Variants in SPO11 observed in about 807,000 individuals in gnomAD.
SPO11 encodes meiotic recombination protein SPO11.
A neutral mutation model predicts 51.6 loss-of-function variants in SPO11; 49 were observed. That is an observed-to-expected ratio of 0.95 (90% CI 0.75 to 1.20). The LOEUF (loss-of-function observed/expected upper bound fraction) is 1.20. Among genes scored for constraint, SPO11 ranks in the 50% most tolerant of loss-of-function variants. The probability of loss-of-function intolerance (pLI) is 0.00; values close to 1 mark genes in which losing one functional copy is unlikely to be tolerated. For missense variants in SPO11, 431 were observed against 473.4 expected (o/e 0.91, Z 0.83); for synonymous variants, 176 against 158.2 (o/e 1.11, Z -0.84).
In SPO11 at chr20:57,340,120, C is replaced by G; in HGVS notation, c.901C>G (p.His301Asp). The G allele has an allele frequency of 6.2e-7, 1 of 1,611,870 alleles. No homozygotes were observed. Among genetic ancestry groups the G allele is most frequent in the Non-Finnish European group, 8.5e-7 (1 of 1,178,068 alleles). ...ATTTTAGTCTATGTCTTTTGAAGCT[C>G]ATCATCTCACAGTTCCAGCTATTAG... ...YGSMSMSFEA[H>D]HLTVPAIRWL... is the part of the protein sequence containing the mutation. Residue 301 changes from histidine (H) to aspartate (D), a missense_variant, in exon 11 of 13, where the codon CAT becomes GAT. Physicochemically the swap from His to Asp is moderately conservative, Grantham distance 81. Transcript: ENST00000371263.
At chr20:57,337,882 A>G (rs1305289092) in intron 8 of SPO11, 2 of 557,242 alleles carry the variant, frequency 3.6e-6, no homozygotes, top group African/African-American at 4.0e-5. Context: ...ATAATTTATT[A>G]TTACTATTAT....
Position 57,338,299 on chromosome 20 carries a change from C to T in SPO11, c.768C>T (p.Asn256=). The T allele has an allele frequency of 6.2e-7, 1 of 1,613,324 alleles. No individual in the cohort carries two copies. Among genetic ancestry groups the T allele is most frequent in the South Asian group, 1.1e-5 (1 of 91,002 alleles). ...AGGGAAAGGGAGTTCCTGATCTAAA[C>T]ACAAGACTTTTAGTCAAGAAACTGT... ...MITGKGVPDL[N]TRLLVKKLWD... Residue 256 remains asparagine (N), a synonymous_variant, in exon 9 of 13, where the codon AAC becomes AAT. Transcript: ENST00000371263.
At chr20:57,330,588 G>A (rs935847319) in intron 1 of SPO11, among the ~76,000 whole-genome samples, 2 of 152,116 alleles carry the variant, frequency 1.3e-5, no homozygotes, top group Non-Finnish European at 2.9e-5. Flanking sequence ...GAACCCTCCA[G>A]CTATCCATGT....
At chr20:57,333,384 A>G (rs949432946) in intron 3 of SPO11, 108 bp downstream of exon 3, 11 of 713,920 alleles carry the variant, frequency 1.5e-5, no homozygotes. Context: ...TTAATAGATC[A>G]CTTTCATACA....
At chr20:57,339,934 C>T (rs1233034995) in intron 10 of SPO11, among the ~76,000 whole-genome samples, 168 bp from the exon 11 acceptor site, 1 of 152,190 alleles carries the variant, frequency 6.6e-6, no homozygotes, top group East Asian at 1.9e-4. Flanking sequence ...CACTAAAAGC[C>T]CAGCTTAGCA....
rs1296139885 is a variant in SPO11 at position 57,343,639 on chromosome 20, C to T, written c.*179C>T. ...AAATGCTGTACTCCAATTTTCTTTGCAAGGCCTTATTCTTGCCTCTATAGA... is the reference window on the plus strand; with the variant it reads ...AAATGCTGTACTCCAATTTTCTTTGTAAGGCCTTATTCTTGCCTCTATAGA... On this transcript the variant is annotated 3_prime_UTR_variant, in exon 13 of 13. Transcript: ENST00000371263. 3.3e-6 allele frequency: 2 copies of T among 605,692 alleles called. No individual in the cohort carries two copies. The highest frequency in any genetic ancestry group is 5.1e-6 in the Non-Finnish European group (2 of 390,674). 37.5% of individuals were successfully genotyped at this position (605,692 alleles called of 1,614,324 possible). A position where few individuals can be genotyped will look rare whatever the true frequency, so the allele number is the denominator to read the frequency against.
At chr20:57,331,266 G>A (rs2066446109) in intron 1 of SPO11, among the ~76,000 whole-genome samples, 1 of 152,196 alleles carries the variant, frequency 6.6e-6, no homozygotes, top group African/African-American at 2.4e-5. Flanking sequence ...TCTTTCCAGG[G>A]TAGTGATTAA....
intron 1 of SPO11, among the ~76,000 whole-genome samples, chr20:57,331,189 C>T (rs1247598058): frequency 6.6e-6 from 1 of 152,178 alleles, no homozygotes; most frequent in Non-Finnish European, 1.5e-5. Flanking sequence ...GCTTAGTCTT[C>T]GCATTTTGCT....
intron 8 of SPO11, among the ~76,000 whole-genome samples, chr20:57,337,467 A>G (rs567287248): frequency 6.6e-6 from 1 of 152,326 alleles, no homozygotes; most frequent in East Asian, 1.9e-4. Context: ...GAAGTAGCAG[A>G]GCTGAGATGC....
chr20:57,340,109 C>A lies in SPO11; in HGVS notation c.890C>A (p.Ser297Tyr). ...CIYKYGSMSM[S>Y]FEAHHLTVPA... The stretch of plus-strand genomic sequence containing the variant: ...TTTTGTTCTTTATTTTAGTCTATGT[C>A]TTTTGAAGCTCATCATCTCACAGTT... The change falls in exon 11 of 13, where the codon TCT becomes TAT. Residue 297 changes from serine to tyrosine, a missense_variant. Physicochemically the swap from Ser to Tyr is moderately radical, Grantham distance 144. This residue lies in a region of SPO11 where 405 missense variants were observed against 425.9 expected (regional missense o/e 0.95). Coordinates refer to ENST00000371263, the MANE Select transcript of SPO11 (RefSeq NM_012444.3). 6.2e-7 allele frequency: 1 copy of A among 1,609,102 alleles called. No individual in the cohort carries two copies.
chr20:57,337,668 C>A, intron 8 of SPO11: 1 of 979,652 alleles, frequency 1.0e-6, no homozygotes, highest in Non-Finnish European at 1.4e-6. Context: ...TCCTTAGGAC[C>A]ATTTCCTAGG....
chr20:57,339,869 A>T (rs2066559217), intron 10 of SPO11, among the ~76,000 whole-genome samples: 1 of 152,104 alleles, frequency 6.6e-6, no homozygotes. Flanking sequence ...CTCCCAAAGT[A>T]CTGGGATTAC....
intron 5 of SPO11, 101 bp from the exon 6 acceptor site, chr20:57,334,649 G>A: frequency 2.5e-6 from 2 of 808,886 alleles, no homozygotes; most frequent in Non-Finnish European, 3.8e-6. Context: ...TTCAATCCAA[G>A]TGAAAATGCC....
At chr20:57,343,186 T>C (rs1181123007) in intron 12 of SPO11, among the ~76,000 whole-genome samples, 155 bp from the exon 13 acceptor site, 1 of 152,208 alleles carries the variant, frequency 6.6e-6, no homozygotes, top group Non-Finnish European at 1.5e-5. Flanking sequence ...ACTCCAGATA[T>C]TTTTAGCTGT....
At chr20:57,331,988 G>A in intron 2 of SPO11, 42 bp downstream of exon 2, 3 of 1,149,238 alleles carry the variant, frequency 2.6e-6, no homozygotes, top group South Asian at 1.5e-5. Flanking sequence ...CAATATCTAT[G>A]TCATTATTAA....
At chr20:57,341,949 C>G (rs1244111069) in intron 11 of SPO11, among the ~76,000 whole-genome samples, 1 of 152,186 alleles carries the variant, frequency 6.6e-6, no homozygotes, top group Non-Finnish European at 1.5e-5. Context: ...GCCTCCCTTT[C>G]AATCAAATTG....
Position 57,334,783 on chromosome 20 carries a change from T to G in SPO11, c.544T>G (p.Leu182Val). 2 of 1,613,920 alleles carry G rather than the reference T, an allele frequency of 1.2e-6. No individual in the cohort carries two copies. Among genetic ancestry groups the G allele is most frequent in the South Asian group, 1.1e-5 (1 of 91,068 alleles). ...STSKGLIAGNLRYIEEDGTKV... is the reference protein window; with the variant it reads ...STSKGLIAGNVRYIEEDGTKV... ...ATCAAAAGGTTTAATTGCTGGCAAC[T>G]TAAGATACATCGAGGAAGATGGCAC... Residue 182 changes from leucine to valine, a missense_variant, in exon 6 of 13, where the codon TTA becomes GTA. By Grantham distance (32) the Leu-to-Val change is conservative. Transcript: ENST00000371263.
intron 10 of SPO11, 48 bp downstream of exon 10, chr20:57,339,074 T>C (rs914362366): frequency 1.6e-6 from 2 of 1,281,434 alleles, no homozygotes; most frequent in Non-Finnish European, 2.2e-6. Context: ...AGACATTTTA[T>C]ATTCATTGAG....
chr20:57,334,094 T>C lies in SPO11; in HGVS notation c.509T>C (p.Ile170Thr), dbSNP rs760742526. The C allele has an allele frequency of 7.3e-6, 10 of 1,378,558 alleles. No individual in the cohort carries two copies. The highest frequency in any genetic ancestry group is 6.1e-6 in the Non-Finnish European group (6 of 989,654). 85.4% of individuals were successfully genotyped at this position (1,378,558 alleles called of 1,614,324 possible). Residue 170 changes from isoleucine (I) to threonine (T), a missense_variant and splice_region_variant, in exon 5 of 13, where the codon ATA (isoleucine) becomes ACA (threonine). Physicochemically the swap from Ile to Thr is moderately conservative, Grantham distance 89. Transcript: ENST00000371263. ...AAAGTGTCAAGGAGGAGTCTACATA[T>C]AGTAAGTAGTACCTAATACAAAACA... ...MLKVSRRSLH[I>T]LSTSKGLIAG...
Sources: allele counts gnomAD v4.1 joint callset (sites outside exome capture counted in the v4.1 genomes callset), GRCh38; gene constraint gnomAD v4.1.1; regional missense constraint gnomAD v4.1.1; transcripts MANE v1.5; gene names NCBI Gene and HGNC (gene_info 2026-07-23, HGNC 2026-07-21).